The following KIF1B variants were observed in gnomAD, a reference collection of about 807,000 sequenced individuals.
KIF1B encodes kinesin family member 1B.
Under a neutral mutation model 241.9 loss-of-function variants are expected in KIF1B, and 76 were observed. The observed-to-expected ratio is 0.31, with a 90% confidence interval of 0.26 to 0.38. KIF1B has a LOEUF of 0.38. KIF1B is among the 10% of genes least tolerant of loss of function. The pLI, the probability that KIF1B is intolerant of heterozygous loss-of-function variation, is 1.00. For synonymous variants in KIF1B, 750 were observed against 796.7 expected (o/e 0.94, Z 0.99); for missense variants, 1,622 against 2,271.4 (o/e 0.71, Z 5.81).
At chr1:10,264,367 G>C (rs542450557) in intron 5 of KIF1B, among the ~76,000 whole-genome samples, 1 of 152,238 alleles carries the variant, frequency 6.6e-6, no homozygotes, top group Non-Finnish European at 1.5e-5. Flanking sequence ...GGTTGGTGCA[G>C]AAGTAAAAGA....
intron 11 of KIF1B, among the ~76,000 whole-genome samples, chr1:10,275,856 C>T (rs548517714): frequency 2.2e-4 from 34 of 152,066 alleles, no homozygotes; most frequent in Admixed American, 6.5e-4. Flanking sequence ...TAATCCTCCT[C>T]GTTGCTGATG....
chr1:10,333,893 C>T (rs1652057683), intron 27 of KIF1B, among the ~76,000 whole-genome samples: 1 of 151,966 alleles, frequency 6.6e-6, no homozygotes. Flanking sequence ...TGGCTCACAC[C>T]TGTAATCCCA....
At position 10,379,844 on chromosome 1, in the gene KIF1B, G is replaced by C. The variant is rs1452615897; in HGVS notation, c.*3257G>C. On this transcript the variant is annotated 3_prime_UTR_variant, in exon 49 of 49. Transcript: ENST00000676179. ...GTCAGTCAGCGCTCAGGCCAGGACT[G>C]TGCAGGGCCAGCCAGCCCATGCGCT... 2 of 230,008 alleles carry C rather than the reference G, an allele frequency of 8.7e-6. No individual in the cohort carries two copies. Among genetic ancestry groups the C allele is most frequent in the African/African-American group, 4.4e-5 (2 of 45,108 alleles). The allele number at this position is 230,008 out of a possible 1,614,324, so 14.2% of individuals were successfully genotyped here. A position where few individuals can be genotyped will look rare whatever the true frequency, so the allele number is the denominator to read the frequency against.
intron 38 of KIF1B, among the ~76,000 whole-genome samples, chr1:10,358,677 C>CT (rs1217755997): frequency 7.8e-6 from 1 of 128,086 alleles, no homozygotes; most frequent in Non-Finnish European, 1.7e-5. Context: ...AAGCAAGACT[C>CT]TGTCTCAAAA....
intron 12 of KIF1B, 105 bp downstream of exon 12, chr1:10,276,504 A>G: frequency 1.3e-6 from 1 of 777,702 alleles, no homozygotes; most frequent in South Asian, 1.5e-5. Context: ...ATTTATGTAA[A>G]TAATGTTCCT....
rs1350663911 is a variant in KIF1B at position 10,326,408 on chromosome 1, T to G, written c.2924+49T>G. The G allele has an allele frequency of 3.7e-6, 6 of 1,612,370 alleles. No individual in the cohort carries two copies. The highest frequency in any genetic ancestry group is 5.1e-6 in the Non-Finnish European group (6 of 1,179,640). Reference sequence around the variant, plus strand: ...GGCGAAAAGGGACCAGCTCTTGCTCTGAAGGCCTCCCTGCTTGCACAATTT... The same window carrying G: ...GGCGAAAAGGGACCAGCTCTTGCTCGGAAGGCCTCCCTGCTTGCACAATTT... On this transcript the variant is annotated intron_variant, in intron 27 of 48. Coordinates refer to ENST00000676179, the MANE Select transcript of KIF1B (RefSeq NM_001365951.3). This position sits in a 1 kb window ranked among gnomAD's most constrained non-coding sequence, Gnocchi z 5.2.
At position 10,365,256 on chromosome 1, in the gene KIF1B, G is replaced by A. The variant is rs1638535318; in HGVS notation, c.4512+11G>A. On this transcript the variant is annotated intron_variant, in intron 42 of 48. Transcript: ENST00000676179. The surrounding 1 kb of genome is among the most constrained non-coding windows in gnomAD (Gnocchi z 4.0). ...GAGCTCCTACATGAGGTATCCAGGG[G>A]CAGGGTTGTTCAGATGCAAGAACTC... 3 of 1,613,906 alleles carry A rather than the reference G, an allele frequency of 1.9e-6. No individual in the cohort carries two copies. The highest frequency in any genetic ancestry group is 2.2e-5 in the South Asian group (2 of 91,072).
At chr1:10,336,867 A>C in intron 29 of KIF1B, 125 bp downstream of exon 29, 1 of 1,079,140 alleles carries the variant, frequency 9.3e-7, no homozygotes, top group Non-Finnish European at 1.4e-6. Context: ...GTTCAATAGA[A>C]TATGGGACAT....
chr1:10,373,253 C>CT (rs1638796188), intron 45 of KIF1B, among the ~76,000 whole-genome samples: 1 of 132,846 alleles, frequency 7.5e-6, no homozygotes. Context: ...GCCACTGCGC[C>CT]GGCCTTTTTT....
chr1:10,332,705 C>T (rs555337319), intron 27 of KIF1B, among the ~76,000 whole-genome samples: 10 of 150,868 alleles, frequency 6.6e-5, no homozygotes, highest in South Asian at 2.1e-4. Flanking sequence ...TTTGTAGAGA[C>T]GGAGTTTCAC....
At chr1:10,323,791 C>A in intron 24 of KIF1B, 93 bp from the exon 25 acceptor site, 12 of 1,025,974 alleles carry the variant, frequency 1.2e-5, no homozygotes, top group Non-Finnish European at 1.7e-5. Context: ...TGAGCACATT[C>A]GACCTCTTTC....
At position 10,376,241 on chromosome 1, in the gene KIF1B, A is replaced by G. The variant is rs578061790; in HGVS notation, c.5409-304A>G. Among the ~76,000 whole-genome samples the G allele has an allele frequency of 4.7e-4, 72 of 152,324 alleles. No individual in the cohort carries two copies. The Middle Eastern group carries it at 0.034, about 72-fold the overall frequency. On this transcript the variant is annotated intron_variant, in intron 48 of 48. Coordinates refer to ENST00000676179, the MANE Select transcript of KIF1B (RefSeq NM_001365951.3). ...ACCACCAGGGATACTCTGGTCACAC[A>G]TGTGCACCAATTATTTTCCTTCTTT... is the stretch of plus-strand genomic sequence containing the variant.
chr1:10,272,094 AAG>A, intron 8 of KIF1B, 145 bp from the exon 9 acceptor site: 2 of 652,520 alleles, frequency 3.1e-6, no homozygotes, highest in Non-Finnish European at 5.5e-6. Context: ...TCAAGTGGAA[AAG>A]AGGACAGATG....
chr1:10,263,914 T>C (rs1218249449), intron 5 of KIF1B, among the ~76,000 whole-genome samples: 1 of 152,200 alleles, frequency 6.6e-6, no homozygotes, highest in Non-Finnish European at 1.5e-5. Context: ...TTGCCTTTTT[T>C]CCTGTTTCAA....
Position 10,365,393 on chromosome 1 carries a change from G to A in KIF1B, c.4513-16G>A. The A allele has an allele frequency of 1.2e-6, 2 of 1,614,090 alleles. No homozygotes were observed. The highest frequency in any genetic ancestry group is 1.7e-6 in the Non-Finnish European group (2 of 1,180,032). On this transcript the variant is annotated splice_polypyrimidine_tract_variant and intron_variant, in intron 42 of 48. Coordinates refer to ENST00000676179, the MANE Select transcript of KIF1B (RefSeq NM_001365951.3). The surrounding 1 kb of genome is among the most constrained non-coding windows in gnomAD (Gnocchi z 4.0). Reference sequence around the variant, plus strand: ...GAGCTTTGTGTTTGCTATAGCAGTAGTATTGATCTTCTCAGGTGGAAAAAA... The same window carrying A: ...GAGCTTTGTGTTTGCTATAGCAGTAATATTGATCTTCTCAGGTGGAAAAAA...
At chr1:10,220,397 T>TAGATGATAGATA (rs1553160022) in intron 1 of KIF1B, among the ~76,000 whole-genome samples, 1,829 of 144,208 alleles carry the variant, frequency 0.013, 19 homozygotes, top group East Asian at 0.021. Flanking sequence ...GATAGATAGA[T>TAGATGATAGATA]GATAGATAGA....
At position 10,223,546 on chromosome 1, in the gene KIF1B, GTT is replaced by G. The variant is rs113574017; in HGVS notation, c.-79-8685_-79-8684del. Among the ~76,000 whole-genome samples the G allele has an allele frequency of 3.6e-4, 47 of 131,266 alleles. 1 individual carries two copies. In the South Asian group the frequency reaches 9.0e-3, roughly 25 times the overall value. 86.1% of individuals were successfully genotyped at this position (131,266 alleles called of 152,430 possible). A position where few individuals can be genotyped will look rare whatever the true frequency, so the allele number is the denominator to read the frequency against. ...GTGGTTTTTTTTTTTGTTTTGTTTT[GTT>G]TTTTTTTTTTTTTTTTTTAGACGGA... On this transcript the variant is annotated intron_variant, in intron 1 of 48. Transcript: ENST00000676179.
chr1:10,329,106 C>G (rs1175737077), intron 27 of KIF1B, among the ~76,000 whole-genome samples: 2 of 152,194 alleles, frequency 1.3e-5, no homozygotes, highest in Non-Finnish European at 1.5e-5. Context: ...AAGCAATCAA[C>G]TCTATTTTGA....
chr1:10,319,125 CAG>C (rs1375621116), intron 22 of KIF1B, among the ~76,000 whole-genome samples: 1 of 136,480 alleles, frequency 7.3e-6, no homozygotes, highest in Non-Finnish European at 1.5e-5. Flanking sequence ...TTTTTTGAGA[CAG>C]AGTCTCGCTC....
Sources: allele counts gnomAD v4.1 joint callset (sites outside exome capture counted in the v4.1 genomes callset), GRCh38; gene constraint gnomAD v4.1.1; non-coding constraint Gnocchi (gnomAD v3.1); transcripts MANE v1.5; gene names NCBI Gene and HGNC (gene_info 2026-07-23, HGNC 2026-07-21).